Variants in CNOT10 observed in about 807,000 individuals in gnomAD.
CNOT10 encodes CCR4-NOT transcription complex subunit 10.
CNOT10 carries 30 observed loss-of-function variants against 94.6 expected under a neutral mutation model. The ratio of observed to expected loss-of-function variants is 0.32; its 90% confidence interval spans 0.24 to 0.43. CNOT10 has a LOEUF of 0.43. Among genes scored for constraint, CNOT10 ranks in the 20% least tolerant of loss-of-function variants. CNOT10 has a pLI of 1.00. For synonymous variants in CNOT10, 289 were observed against 301.6 expected, an observed-to-expected ratio of 0.96 and a Z score of 0.43; for missense variants, 759 against 877.2, an observed-to-expected ratio of 0.87 and a Z score of 1.70.
Position 32,759,537 on chromosome 3 carries a change from C to T in CNOT10, c.1675C>T (p.Leu559Phe). ...CATGGCTTTGAATCATGCAGATAAA[C>T]TTCTTCAGCAGCCCAAGCTGTCAGG... ...NLMALNHADK[L>F]LQQPKLSGSL... is the part of the protein sequence containing the mutation. The change falls in exon 14 of 19, where the codon CTT becomes TTT. Residue 559 changes from leucine to phenylalanine, a missense_variant. By Grantham distance (22) the Leu-to-Phe change is conservative. Transcript: ENST00000328834. The T allele has an allele frequency of 6.2e-7, 1 of 1,614,002 alleles. No individual in the cohort carries two copies. The highest frequency in any genetic ancestry group is 8.5e-7 in the Non-Finnish European group (1 of 1,179,936).
chr3:32,687,837 C>T (rs529606810), intron 1 of CNOT10: 1 of 152,342 alleles, frequency 6.6e-6, no homozygotes, highest in African/African-American at 2.4e-5. Flanking sequence ...CTCTTCACAT[C>T]ATAAATTACT....
chr3:32,727,136 T>C (rs1048157838), intron 9 of CNOT10, among the ~76,000 whole-genome samples: 10 of 152,016 alleles, frequency 6.6e-5, no homozygotes, highest in African/African-American at 2.2e-4. Flanking sequence ...TGAGCCACTG[T>C]GCCCAGCTGA....
At chr3:32,735,089 G>A (rs1699125767) in intron 12 of CNOT10, 113 bp downstream of exon 12, 2 of 895,550 alleles carry the variant, frequency 2.2e-6, no homozygotes, top group African/African-American at 3.4e-5. Flanking sequence ...CTGAAATTCT[G>A]TTTTGCGTAA....
chr3:32,737,731 G>A (rs912817888), intron 13 of CNOT10, among the ~76,000 whole-genome samples: 9 of 152,018 alleles, frequency 5.9e-5, no homozygotes. Context: ...GCTGAGGCAG[G>A]AGAATTGCTT....
Position 32,710,290 on chromosome 3 carries a change from A to T in CNOT10, c.430+1470A>T, listed in dbSNP as rs1398618932. Among the ~76,000 whole-genome samples, 14 of 148,948 alleles carry T rather than the reference A, an allele frequency of 9.4e-5. No homozygotes were observed. The East Asian group carries it at 1.7e-3, about 19-fold the overall frequency. On this transcript the variant is annotated intron_variant, in intron 4 of 18. Transcript: ENST00000328834. ...TTCTTTTATGGCTTTTTTTTTTTTAAACTTTTACTGCTTGGATTTTTTTTA... is the reference window on the plus strand; with the variant it reads ...TTCTTTTATGGCTTTTTTTTTTTTATACTTTTACTGCTTGGATTTTTTTTA...
At chr3:32,724,527 C>T (rs1383611864) in intron 8 of CNOT10, among the ~76,000 whole-genome samples, 2 of 151,990 alleles carry the variant, frequency 1.3e-5, no homozygotes, top group Non-Finnish European at 2.9e-5. Flanking sequence ...ATTCTCCTGC[C>T]TCAGCCTCCC....
chr3:32,773,702 T>G lies in CNOT10; in HGVS notation c.*91T>G. 7.5e-7 allele frequency: 1 copy of G among 1,334,128 alleles called. No homozygotes were observed. Among genetic ancestry groups the G allele is most frequent in the Non-Finnish European group, 1.0e-6 (1 of 991,588 alleles). The allele number at this position is 1,334,128 out of a possible 1,614,324, so 82.6% of individuals were successfully genotyped here. On this transcript the variant is annotated 3_prime_UTR_variant, in exon 19 of 19. Transcript: ENST00000328834. ...TCACAGCAGAATGAATAAAAGATGGTGAAGGCTGTTAATTTTGAGTCAATT... is the reference window on the plus strand; with the variant it reads ...TCACAGCAGAATGAATAAAAGATGGGGAAGGCTGTTAATTTTGAGTCAATT...
intron 14 of CNOT10, among the ~76,000 whole-genome samples, chr3:32,762,177 A>AC: frequency 6.6e-6 from 1 of 151,298 alleles, no homozygotes; most frequent in East Asian, 1.9e-4. Context: ...AAAAAAAAAA[A>AC]AAAAAGCTGG....
chr3:32,714,463 C>T (rs1464915513), intron 5 of CNOT10, among the ~76,000 whole-genome samples: 1 of 149,760 alleles, frequency 6.7e-6, no homozygotes, highest in Non-Finnish European at 1.5e-5. Flanking sequence ...AATCCCAGCA[C>T]TTTGAGAGTC....
At chr3:32,697,618 A>G (rs1575206537) in intron 1 of CNOT10, among the ~76,000 whole-genome samples, 1 of 152,100 alleles carries the variant, frequency 6.6e-6, no homozygotes, top group East Asian at 1.9e-4. Context: ...CTACAGGCAC[A>G]TGCCACTATG....
At chr3:32,725,005 T>C (rs140225176) in intron 8 of CNOT10, among the ~76,000 whole-genome samples, 87 of 152,348 alleles carry the variant, frequency 5.7e-4, no homozygotes, top group African/African-American at 1.9e-3. Flanking sequence ...ATAAACACTT[T>C]TTGTCTTTTG....
Position 32,685,341 on chromosome 3 carries a change from G to A in CNOT10, c.-120G>A, listed in dbSNP as rs898103033. 5 of 1,199,992 alleles carry A rather than the reference G, an allele frequency of 4.2e-6. No individual in the cohort carries two copies. Among genetic ancestry groups the A allele is most frequent in the Middle Eastern group, 2.0e-4 (1 of 5,002 alleles). 74.3% of individuals were successfully genotyped at this position (1,199,992 alleles called of 1,614,324 possible). ...CTGCCCACTCCTCTAGCCGGAACCT[G>A]GGGGCCCGGAGCCGGGGTAGGCACA... On this transcript the variant is annotated 5_prime_UTR_variant, in exon 1 of 19. Coordinates refer to ENST00000328834, the MANE Select transcript of CNOT10 (RefSeq NM_015442.3).
chr3:32,743,898 AATGCCGTC>A (rs1699585137), intron 13 of CNOT10, among the ~76,000 whole-genome samples: 1 of 152,134 alleles, frequency 6.6e-6, no homozygotes, highest in African/African-American at 2.4e-5. Context: ...TTCCATAGGG[AATGCCGTC>A]ATCATAAAGT....
chr3:32,754,495 T>TATAA (rs1559512423), intron 13 of CNOT10, among the ~76,000 whole-genome samples: 1 of 89,818 alleles, frequency 1.1e-5, no homozygotes, highest in African/African-American at 4.9e-5. Context: ...AAAAAATACA[T>TATAA]ATATATATAT....
chr3:32,770,311 G>C (rs955120089), intron 18 of CNOT10, among the ~76,000 whole-genome samples: 1 of 138,210 alleles, frequency 7.2e-6, no homozygotes, highest in Non-Finnish European at 1.5e-5. Flanking sequence ...CTCAGCCAAG[G>C]CTGAGATTTT....
At chr3:32,698,139 A>G (rs1015120108) in intron 1 of CNOT10, among the ~76,000 whole-genome samples, 2 of 152,206 alleles carry the variant, frequency 1.3e-5, no homozygotes, top group Admixed American at 1.3e-4. Context: ...AGTGAAACTC[A>G]TTGTTATTGG....
At chr3:32,697,232 G>A (rs754655296) in intron 1 of CNOT10, among the ~76,000 whole-genome samples, 20 of 152,150 alleles carry the variant, frequency 1.3e-4, no homozygotes, top group Non-Finnish European at 2.4e-4. Context: ...TTATAGGCGT[G>A]AGCCACCATG....
chr3:32,748,885 C>T (rs1402627685), intron 13 of CNOT10, among the ~76,000 whole-genome samples: 2 of 151,556 alleles, frequency 1.3e-5, no homozygotes, highest in African/African-American at 4.9e-5. Context: ...GGCTGGAGTG[C>T]AGTGGCACAG....
At position 32,685,230 on chromosome 3, in the gene CNOT10, G is replaced by C. The variant is rs1696544430; in HGVS notation, c.-231G>C. On this transcript the variant is annotated 5_prime_UTR_variant, in exon 1 of 19. Transcript: ENST00000328834. Reference sequence around the variant, plus strand: ...CGTGAGGCGGAAGCTGTGTATGGCGGGAGGCTGTGGCGGTCCCTTGGTGGG... The same window carrying C: ...CGTGAGGCGGAAGCTGTGTATGGCGCGAGGCTGTGGCGGTCCCTTGGTGGG... The C allele has an allele frequency of 2.0e-6, 1 of 506,798 alleles. No individual in the cohort carries two copies. Among genetic ancestry groups the C allele is most frequent in the Non-Finnish European group, 3.6e-6 (1 of 281,588 alleles). The allele number at this position is 506,798 out of a possible 1,614,324, so 31.4% of individuals were successfully genotyped here. A position where few individuals can be genotyped will look rare whatever the true frequency, so the allele number is the denominator to read the frequency against.
Sources: gnomAD v4.1 joint callset for allele counts (sites outside exome capture counted in the v4.1 genomes callset) on GRCh38, gnomAD v4.1.1 for gene constraint, MANE v1.5 for transcripts, NCBI Gene and HGNC (gene_info 2026-07-23, HGNC 2026-07-21) for gene names.